Variants in WNT2 observed in about 807,000 individuals in gnomAD.
WNT2 encodes protein Wnt-2.
In WNT2, 12 loss-of-function variants were observed where a neutral mutation model predicts 36.9. That is an observed-to-expected ratio of 0.33 (90% CI 0.21 to 0.53). The LOEUF (loss-of-function observed/expected upper bound fraction) is 0.53, where lower values mean the gene tolerates loss of function less well. WNT2 is among the 20% of genes least tolerant of loss of function. WNT2 has a pLI of 0.95. For missense variants in WNT2, 379 were observed against 473.1 expected, an observed-to-expected ratio of 0.80 and a Z score of 1.84; for synonymous variants, 163 against 174.6, an observed-to-expected ratio of 0.93 and a Z score of 0.52.
chr7:117,323,034 C>A lies in WNT2; in HGVS notation c.-45G>T. 1.3e-6 allele frequency: 2 copies of A among 1,550,136 alleles called. No homozygotes were observed. The highest frequency in any genetic ancestry group is 2.4e-5 in the South Asian group (2 of 84,736). Reference sequence around the variant, plus strand: ...CATCAGGTCAGACTCCGTGTGCGGGCGCCATGCGTGCCCAGAGCAGAAGCG... The same window carrying A: ...CATCAGGTCAGACTCCGTGTGCGGGAGCCATGCGTGCCCAGAGCAGAAGCG... On this transcript the variant is annotated 5_prime_UTR_variant, in exon 1 of 5. Coordinates refer to ENST00000265441, the MANE Select transcript of WNT2 (RefSeq NM_003391.3).
chr7:117,297,986 G>A, intron 3 of WNT2, 110 bp from the exon 4 acceptor site: 1 of 1,403,248 alleles, frequency 7.1e-7, no homozygotes, highest in Non-Finnish European at 9.6e-7. Flanking sequence ...GCTGGATCCT[G>A]GGGCAAGTGA....
chr7:117,321,218 C>A (rs1489129793), intron 1 of WNT2, among the ~76,000 whole-genome samples: 1 of 152,192 alleles, frequency 6.6e-6, no homozygotes, highest in Non-Finnish European at 1.5e-5. Context: ...GGAAGCTGAC[C>A]TTAGAAGCTC....
At chr7:117,298,095 G>A (rs1794829101) in intron 3 of WNT2, among the ~76,000 whole-genome samples, 2 of 152,240 alleles carry the variant, frequency 1.3e-5, no homozygotes, top group East Asian at 3.9e-4. Flanking sequence ...GGGAGGGATA[G>A]CACCTAACTG....
At chr7:117,289,954 G>A (rs1180030075) in intron 4 of WNT2, among the ~76,000 whole-genome samples, 1 of 152,124 alleles carries the variant, frequency 6.6e-6, no homozygotes, top group Non-Finnish European at 1.5e-5. Flanking sequence ...ATGACTCGCA[G>A]GTTTATGCTT....
At chr7:117,314,892 G>A (rs1043221426) in intron 3 of WNT2, among the ~76,000 whole-genome samples, 179 bp downstream of exon 3, 2 of 152,180 alleles carry the variant, frequency 1.3e-5, no homozygotes, top group Non-Finnish European at 1.5e-5. Flanking sequence ...GAGTGTGGGT[G>A]GGAATATTTC....
At chr7:117,304,996 C>A (rs996219685) in intron 3 of WNT2, among the ~76,000 whole-genome samples, 1 of 152,052 alleles carries the variant, frequency 6.6e-6, no homozygotes, top group Non-Finnish European at 1.5e-5. Context: ...CTTTGGGGAT[C>A]TGGTAGCCTG....
intron 4 of WNT2, among the ~76,000 whole-genome samples, chr7:117,295,298 T>A (rs1208452186): frequency 1.3e-5 from 2 of 152,214 alleles, no homozygotes; most frequent in Admixed American, 6.5e-5. Flanking sequence ...CCTTATAGAC[T>A]TTCTGTGAGA....
At chr7:117,288,422 C>G (rs540172646) in intron 4 of WNT2, among the ~76,000 whole-genome samples, 5 of 152,276 alleles carry the variant, frequency 3.3e-5, no homozygotes, top group South Asian at 4.1e-4. Context: ...TCACACAGGG[C>G]TCTTTCCCTA....
rs550377034 is a variant in WNT2, at chr7:117,278,404, G to C, written c.854-20C>G. ...GGGAGCCTGGAAGACAAGCCAGGGA[G>C]TGTTACTGAAAAGGTCTGGGTGGAA... On this transcript the variant is annotated intron_variant, in intron 4 of 4. Transcript: ENST00000265441. 7.3e-5 allele frequency: 117 copies of C among 1,604,842 alleles called. 1 individual carries two copies. The South Asian group carries it at 1.2e-3, about 17-fold the overall frequency.
intron 2 of WNT2, among the ~76,000 whole-genome samples, chr7:117,316,787 G>A (rs1268880089): frequency 2.6e-5 from 4 of 152,048 alleles, no homozygotes; most frequent in Admixed American, 6.5e-5. Flanking sequence ...ATGACTATTC[G>A]CCATAGGTAG....
intron 3 of WNT2, among the ~76,000 whole-genome samples, chr7:117,301,455 G>C (rs1794904135): frequency 6.6e-6 from 1 of 152,176 alleles, no homozygotes; most frequent in Non-Finnish European, 1.5e-5. Context: ...CTAGTTTAGA[G>C]CAACTCCAGT....
chr7:117,311,237 T>C (rs1157387312), intron 3 of WNT2, among the ~76,000 whole-genome samples: 1 of 152,222 alleles, frequency 6.6e-6, no homozygotes, highest in African/African-American at 2.4e-5. Context: ...ACATTCATTT[T>C]AGAAAATGTG....
At chr7:117,293,389 C>T (rs1030693621) in intron 4 of WNT2, among the ~76,000 whole-genome samples, 2 of 152,058 alleles carry the variant, frequency 1.3e-5, no homozygotes, top group South Asian at 2.1e-4. Context: ...TCACCACCAT[C>T]GCTTCCCCAG....
intron 4 of WNT2, among the ~76,000 whole-genome samples, chr7:117,281,159 C>T (rs1794476602): frequency 6.6e-6 from 1 of 152,176 alleles, no homozygotes; most frequent in South Asian, 2.1e-4. Flanking sequence ...TCACAACAGA[C>T]TGCTGATTCA....
intron 3 of WNT2, 140 bp downstream of exon 3, chr7:117,314,931 A>C: frequency 7.7e-7 from 1 of 1,299,530 alleles, no homozygotes; most frequent in Non-Finnish European, 1.1e-6. Flanking sequence ...CTTCCGAACA[A>C]ACAGCTAATG....
chr7:117,280,794 G>T (rs1358972223), intron 4 of WNT2, among the ~76,000 whole-genome samples: 1 of 152,206 alleles, frequency 6.6e-6, no homozygotes, highest in African/African-American at 2.4e-5. Context: ...GAAAGTGCCT[G>T]GCATAAAATA....
Position 117,278,100 on chromosome 7 carries a change from G to A in WNT2, c.*55C>T. The A allele has an allele frequency of 6.3e-7, 1 of 1,577,714 alleles. No homozygotes were observed. The highest frequency in any genetic ancestry group is 8.7e-7 in the Non-Finnish European group (1 of 1,149,322). ...AAGAACCCAAAGGTCCAGTGTTCTT[G>A]CAGATCCAATGGAGTCCTTGTAGAA... is the stretch of plus-strand genomic sequence containing the variant. On this transcript the variant is annotated 3_prime_UTR_variant, in exon 5 of 5. Transcript: ENST00000265441.
chr7:117,306,606 G>A (rs1283162889), intron 3 of WNT2, among the ~76,000 whole-genome samples: 1 of 151,988 alleles, frequency 6.6e-6, no homozygotes, highest in Non-Finnish European at 1.5e-5. Flanking sequence ...CTTAATGCAG[G>A]TCGCTGTCAA....
intron 2 of WNT2, among the ~76,000 whole-genome samples, chr7:117,319,526 G>T (rs546973071): frequency 1.3e-3 from 200 of 148,550 alleles, no homozygotes; most frequent in Middle Eastern, 3.4e-3. Flanking sequence ...AGGAATTGGG[G>T]GGGGGGGTAG....
Sources: gnomAD v4.1 joint callset for allele counts (sites outside exome capture counted in the v4.1 genomes callset) on GRCh38, gnomAD v4.1.1 for gene constraint, MANE v1.5 for transcripts, NCBI Gene and HGNC (gene_info 2026-07-23, HGNC 2026-07-21) for gene names.